Variants in ANKRD44 observed in about 807,000 individuals in gnomAD.
ANKRD44 encodes the protein ankyrin repeat domain 44.
ANKRD44 carries 35 observed loss-of-function variants against 116.0 expected under a neutral mutation model. The ratio of observed to expected loss-of-function variants is 0.30; its 90% confidence interval spans 0.23 to 0.40. The LOEUF is 0.40. Among genes scored for constraint, ANKRD44 ranks in the 10% least tolerant of loss-of-function variants. The probability of loss-of-function intolerance (pLI) is 1.00; values close to 1 mark genes in which losing one functional copy is unlikely to be tolerated. For missense variants in ANKRD44, 1,014 were observed against 1,242.6 expected (o/e 0.82, Z 2.77); for synonymous variants, 435 against 461.8 (o/e 0.94, Z 0.74).
chr2:196,978,872 C>G (rs1227709764), intron 21 of ANKRD44, among the ~76,000 whole-genome samples: 2 of 147,950 alleles, frequency 1.4e-5, no homozygotes, highest in Admixed American at 1.3e-4. Flanking sequence ...TTTACAGACC[C>G]TGAAGAAAGG....
chr2:197,040,673 G>A (rs577966152), intron 16 of ANKRD44, among the ~76,000 whole-genome samples: 14 of 152,110 alleles, frequency 9.2e-5, no homozygotes, highest in Non-Finnish European at 2.1e-4. Context: ...CACTGTGCCC[G>A]GCCTGTTTCC....
At chr2:197,154,329 G>A (rs1328731412) in intron 2 of ANKRD44, among the ~76,000 whole-genome samples, 2 of 151,536 alleles carry the variant, frequency 1.3e-5, no homozygotes, top group East Asian at 1.9e-4. Context: ...ACAGGCGCCC[G>A]CTACCACGCC....
rs957024208 is a variant in ANKRD44 at position 197,029,782 on chromosome 2, T to A, written c.1651-4515A>T. 3 of 297,246 alleles carry A rather than the reference T, an allele frequency of 1.0e-5. No individual in the cohort carries two copies. The Admixed American group carries it at 1.5e-4, about 15-fold the overall frequency. The allele number at this position is 297,246 out of a possible 1,614,324, so 18.4% of individuals were successfully genotyped here. ...ATCACTCCAGGTTTTAAGTTTCTTA[T>A]GCAGCAAAACAGCCTCCTGGGTCTT... On this transcript the variant is annotated intron_variant, in intron 16 of 27. Coordinates refer to ENST00000282272, the MANE Select transcript of ANKRD44 (RefSeq NM_001195144.2).
At chr2:197,275,098 G>T (rs1380190644) in intron 1 of ANKRD44, among the ~76,000 whole-genome samples, 1 of 151,910 alleles carries the variant, frequency 6.6e-6, no homozygotes, top group Non-Finnish European at 1.5e-5. Flanking sequence ...GACAGACTGG[G>T]ACTTTGTCTC....
intron 1 of ANKRD44, among the ~76,000 whole-genome samples, chr2:197,217,450 A>T (rs192756453): frequency 2.6e-4 from 39 of 152,362 alleles, no homozygotes; most frequent in African/African-American, 8.7e-4. Flanking sequence ...TAGCCCACCA[A>T]AATTCAAGTG....
At chr2:197,172,947 G>T (rs1160503348) in intron 2 of ANKRD44, among the ~76,000 whole-genome samples, 2 of 152,142 alleles carry the variant, frequency 1.3e-5, no homozygotes, top group Non-Finnish European at 2.9e-5. Context: ...TCTGCTGATT[G>T]AATAGAAGTG....
intron 8 of ANKRD44, among the ~76,000 whole-genome samples, chr2:197,117,237 ATTAT>A (rs1177538801): frequency 6.6e-6 from 1 of 151,084 alleles, no homozygotes; most frequent in East Asian, 1.9e-4. Context: ...TCCTTCCTTT[ATTAT>A]TTATTTATTT....
At chr2:197,028,791 T>C in intron 16 of ANKRD44, 1 of 216,462 alleles carries the variant, frequency 4.6e-6, no homozygotes, top group Non-Finnish European at 9.1e-6. Context: ...TCGGTAGTGC[T>C]GCCTTTTTTC....
intron 1 of ANKRD44, among the ~76,000 whole-genome samples, chr2:197,188,549 A>G (rs569401264): frequency 8.5e-4 from 130 of 152,336 alleles, no homozygotes; most frequent in African/African-American, 3.1e-3. Flanking sequence ...CCATTTCTAC[A>G]TGCAACTTGG....
chr2:197,071,262 T>C (rs901130907), intron 16 of ANKRD44, among the ~76,000 whole-genome samples: 2 of 152,212 alleles, frequency 1.3e-5, no homozygotes, highest in African/African-American at 4.8e-5. Context: ...ATTTGCTCTC[T>C]CCAGATTCTT....
chr2:197,108,371 T>A (rs2125263765), intron 9 of ANKRD44, among the ~76,000 whole-genome samples: 1 of 152,358 alleles, frequency 6.6e-6, no homozygotes, highest in East Asian at 1.9e-4. Flanking sequence ...TATCATTATA[T>A]ATAATAGGCT....
rs2078885813 is a variant in ANKRD44 at position 197,122,752 on chromosome 2, T to C, written c.591A>G (p.Ala197=). Residue 197 remains alanine, a synonymous_variant, in exon 7 of 28, where the codon GCA becomes GCG. Coordinates refer to ENST00000282272, the MANE Select transcript of ANKRD44 (RefSeq NM_001195144.2). ...DVVALLINHG[A]EVTCKDKKGY... is the part of the protein sequence containing the mutation. The stretch of plus-strand genomic sequence containing the variant: ...CCTTCTTATCCTTACAGGTCACTTC[T>C]GCGCCATGGTTAATGAGCAATGCTA... 1.2e-6 allele frequency: 2 copies of C among 1,614,220 alleles called. No individual in the cohort carries two copies. Among genetic ancestry groups the C allele is most frequent in the East Asian group, 2.2e-5 (1 of 44,882 alleles).
intron 16 of ANKRD44, among the ~76,000 whole-genome samples, chr2:197,043,801 G>A (rs1005305674): frequency 1.3e-5 from 2 of 152,108 alleles, no homozygotes; most frequent in South Asian, 2.1e-4. Context: ...ACTGTATCAT[G>A]GGTTCTTTAA....
intron 16 of ANKRD44, among the ~76,000 whole-genome samples, chr2:197,043,288 T>C (rs2076944707): frequency 6.6e-6 from 1 of 152,252 alleles, no homozygotes; most frequent in East Asian, 1.9e-4. Context: ...CAATTTAATA[T>C]AATAGAAATC....
chr2:197,220,246 A>G (rs191159827), intron 1 of ANKRD44, among the ~76,000 whole-genome samples: 11 of 152,208 alleles, frequency 7.2e-5, no homozygotes, highest in Admixed American at 2.0e-4. Context: ...ATTATATCCA[A>G]TTTTCTCCAG....
intron 1 of ANKRD44, among the ~76,000 whole-genome samples, chr2:197,227,581 C>G (rs2125751684): frequency 6.8e-6 from 1 of 146,408 alleles, no homozygotes; most frequent in East Asian, 2.0e-4. Context: ...TTAAAATAAC[C>G]CAAAAAGTGT....
chr2:197,241,582 C>T (rs939161685), intron 1 of ANKRD44, among the ~76,000 whole-genome samples: 4 of 151,968 alleles, frequency 2.6e-5, no homozygotes, highest in Non-Finnish European at 5.9e-5. Flanking sequence ...CTATAATGAA[C>T]TTGTATTGCT....
In ANKRD44 at chr2:197,212,086, CACTTTGGGGGAAGGAGAGGAGA is replaced by C. The variant is rs2081340737; in HGVS notation, c.28-25002_28-24981del. ...CACACACACACACACCCCACAGCAC[CACTTTGGGGGAAGGAGAGGAGA>C]TATTGCAGAGCTAGAGTTTTGGAAC... On this transcript the variant is annotated intron_variant, in intron 1 of 27. Transcript: ENST00000282272. The surrounding 1 kb of genome is among the most constrained non-coding windows in gnomAD (Gnocchi z 4.8). Among the ~76,000 whole-genome samples, 1 of 151,664 alleles carries C rather than the reference CACTTTGGGGGAAGGAGAGGAGA, an allele frequency of 6.6e-6. No homozygotes were observed. Among genetic ancestry groups the C allele is most frequent in the South Asian group, 2.1e-4 (1 of 4,804 alleles).
chr2:197,039,752 A>G (rs1400554788), intron 16 of ANKRD44, among the ~76,000 whole-genome samples: 1 of 150,134 alleles, frequency 6.7e-6, no homozygotes, highest in African/African-American at 2.5e-5. Flanking sequence ...GAGGACAAAA[A>G]TGAAAGGTCT....
Sources: gnomAD v4.1 joint callset for allele counts (sites outside exome capture counted in the v4.1 genomes callset) on GRCh38, gnomAD v4.1.1 for gene constraint, Gnocchi (gnomAD v3.1) non-coding constraint, MANE v1.5 for transcripts, NCBI Gene and HGNC (gene_info 2026-07-23, HGNC 2026-07-21) for gene names.